Variants in FBXO32 observed in about 807,000 individuals in gnomAD.
FBXO32 encodes the protein F-box protein 32.
FBXO32 carries 15 observed loss-of-function variants against 48.3 expected under a neutral mutation model. The observed-to-expected ratio is 0.31, with a 90% confidence interval of 0.21 to 0.48. FBXO32 has a LOEUF of 0.48. Ranked by LOEUF, FBXO32 falls within the 20% of genes least tolerant of loss-of-function variation. FBXO32 has a pLI of 0.99. For missense variants in FBXO32, 309 were observed against 432.7 expected (o/e 0.71, Z 2.54); for synonymous variants, 154 against 165.9 (o/e 0.93, Z 0.55).
rs1223446345 is a variant in FBXO32, at chr8:123,502,819, T to C, written c.*554A>G. 6.6e-6 allele frequency: 1 copy of C among 152,274 alleles called. No individual in the cohort carries two copies. The highest frequency in any genetic ancestry group is 2.4e-5 in the African/African-American group (1 of 41,440). The allele number at this position is 152,274 out of a possible 1,614,324, so 9.4% of individuals were successfully genotyped here. ...CTCTACGCTTTTAGAGGTAGACCATTGTGTGGTATCTCTGTAGGGTAAGGC... is the reference window on the plus strand; with the variant it reads ...CTCTACGCTTTTAGAGGTAGACCATCGTGTGGTATCTCTGTAGGGTAAGGC... On this transcript the variant is annotated 3_prime_UTR_variant, in exon 9 of 9. Coordinates refer to ENST00000517956, the MANE Select transcript of FBXO32 (RefSeq NM_058229.4).
intron 6 of FBXO32, among the ~76,000 whole-genome samples, chr8:123,507,417 AAC>A (rs1233703803): frequency 2.0e-5 from 3 of 150,116 alleles, no homozygotes; most frequent in Non-Finnish European, 3.0e-5. Flanking sequence ...AGAAAACAAT[AAC>A]ACAGAGACTC....
Position 123,540,086 on chromosome 8 carries a change from G to T in FBXO32, c.116+813C>A, listed in dbSNP as rs1280274967. On this transcript the variant is annotated intron_variant, in intron 1 of 8. Transcript: ENST00000517956. The surrounding 1 kb of genome is among the most constrained non-coding windows in gnomAD (Gnocchi z 6.4). Reference sequence around the variant, plus strand: ...CCGCCAGACCACAGAGCTCAGGTGAGGCCTCGAATCCAGAGGCTCACCGGG... The same window carrying T: ...CCGCCAGACCACAGAGCTCAGGTGATGCCTCGAATCCAGAGGCTCACCGGG... Among the ~76,000 whole-genome samples, 1 of 152,192 alleles carries T rather than the reference G, an allele frequency of 6.6e-6. No homozygotes were observed. The highest frequency in any genetic ancestry group is 2.4e-5 in the African/African-American group (1 of 41,444).
intron 6 of FBXO32, among the ~76,000 whole-genome samples, chr8:123,508,336 G>A (rs1332217587): frequency 2.0e-5 from 3 of 152,150 alleles, no homozygotes; most frequent in Non-Finnish European, 2.9e-5. Context: ...GGGTAGGCAC[G>A]AGGTGGGGAG....
chr8:123,532,111 G>C (rs971640599), intron 3 of FBXO32, 121 bp from the exon 4 acceptor site: 39 of 1,482,052 alleles, frequency 2.6e-5, no homozygotes, highest in Non-Finnish European at 3.4e-5. Flanking sequence ...CCTGTCTTAG[G>C]TGACCTGGGG....
intron 3 of FBXO32, among the ~76,000 whole-genome samples, chr8:123,532,714 A>C (rs889055268): frequency 1.3e-5 from 2 of 152,236 alleles, no homozygotes; most frequent in African/African-American, 4.8e-5. Flanking sequence ...AAATATACAT[A>C]AAAGGGCTTT....
At chr8:123,527,779 T>C (rs1324303620) in intron 4 of FBXO32, among the ~76,000 whole-genome samples, 2 of 152,216 alleles carry the variant, frequency 1.3e-5, no homozygotes, top group Non-Finnish European at 2.9e-5. Context: ...TTCATTCTCA[T>C]AAAAATGCTT....
At chr8:123,536,661 C>T (rs1817314606) in intron 1 of FBXO32, among the ~76,000 whole-genome samples, 1 of 152,162 alleles carries the variant, frequency 6.6e-6, no homozygotes, top group South Asian at 2.1e-4. Context: ...ACACAACCCC[C>T]ACAAACAACA....
Position 123,513,462 on chromosome 8 carries a change from G to T in FBXO32, c.467-80C>A. On this transcript the variant is annotated intron_variant, in intron 5 of 8. Coordinates refer to ENST00000517956, the MANE Select transcript of FBXO32 (RefSeq NM_058229.4). The surrounding 1 kb of genome is among the most constrained non-coding windows in gnomAD (Gnocchi z 4.3). ...TTTACACATGAGCTTGTCTCTGTCT[G>T]TATTCCACTCATGTTACCCAGGCAC... The T allele has an allele frequency of 8.2e-7, 1 of 1,216,004 alleles. No homozygotes were observed. Among genetic ancestry groups the T allele is most frequent in the East Asian group, 2.5e-5 (1 of 39,414 alleles). The allele number at this position is 1,216,004 out of a possible 1,614,324, so 75.3% of individuals were successfully genotyped here.
At chr8:123,511,296 G>A (rs549596451) in intron 6 of FBXO32, among the ~76,000 whole-genome samples, 1 of 152,056 alleles carries the variant, frequency 6.6e-6, no homozygotes, top group Non-Finnish European at 1.5e-5. Context: ...ACTCCAAGAG[G>A]GGTAACAACA....
At chr8:123,510,153 A>T (rs1038255566) in intron 6 of FBXO32, among the ~76,000 whole-genome samples, 11 of 152,220 alleles carry the variant, frequency 7.2e-5, no homozygotes, top group Admixed American at 2.0e-4. Context: ...CTTAATAATA[A>T]CAGCTGATAC....
chr8:123,508,208 C>T (rs1378184021), intron 6 of FBXO32, among the ~76,000 whole-genome samples: 1 of 152,134 alleles, frequency 6.6e-6, no homozygotes, highest in African/African-American at 2.4e-5. Context: ...TATCAATTTC[C>T]CTGCCCAAAT....
Position 123,506,761 on chromosome 8 carries a change from A to G in FBXO32, c.652-187T>C. The G allele has an allele frequency of 1.7e-6, 1 of 597,644 alleles. No individual in the cohort carries two copies. 37.0% of individuals were successfully genotyped at this position (597,644 alleles called of 1,614,324 possible). ...GAGACCATGGCCATGACCCTCAATG[A>G]AGTGTGGAGTGCGCTGAGCTGAGTG... On this transcript the variant is annotated intron_variant, in intron 6 of 8. Transcript: ENST00000517956. The surrounding 1 kb of genome is among the most constrained non-coding windows in gnomAD (Gnocchi z 4.0).
At chr8:123,523,584 G>A (rs1434863279) in intron 4 of FBXO32, among the ~76,000 whole-genome samples, 3 of 143,732 alleles carry the variant, frequency 2.1e-5, no homozygotes, top group Admixed American at 1.4e-4. Flanking sequence ...GTGAGACTCC[G>A]TCTCAAAACA....
chr8:123,525,141 C>T lies in FBXO32; in HGVS notation c.372+6757G>A, dbSNP rs1817045674. 6.6e-6 allele frequency among the ~76,000 whole-genome samples: 1 copy of T among 152,220 alleles called. No individual in the cohort carries two copies. On this transcript the variant is annotated intron_variant, in intron 4 of 8. Transcript: ENST00000517956. The surrounding 1 kb of genome is among the most constrained non-coding windows in gnomAD (Gnocchi z 4.3). ...TCCAGCCTTTTGTTTGCCAAACCACCAGTCAACTTAAACTAAAACATGTTT... is the reference window on the plus strand; with the variant it reads ...TCCAGCCTTTTGTTTGCCAAACCACTAGTCAACTTAAACTAAAACATGTTT...
rs1817215702 is a variant in FBXO32 at position 123,531,833 on chromosome 8, C to T, written c.372+65G>A. 3.2e-6 allele frequency: 5 copies of T among 1,582,484 alleles called. No individual in the cohort carries two copies. The East Asian group carries it at 1.1e-4, about 35-fold the overall frequency. ...ATTTTTTGGGGAAACTACTTCAAGA[C>T]AACCCAAAGAGATGATTCAACTTGG... On this transcript the variant is annotated intron_variant, in intron 4 of 8. Coordinates refer to ENST00000517956, the MANE Select transcript of FBXO32 (RefSeq NM_058229.4).
chr8:123,504,448 C>G (rs551819216), intron 8 of FBXO32, among the ~76,000 whole-genome samples, 156 bp downstream of exon 8: 1 of 151,816 alleles, frequency 6.6e-6, no homozygotes, highest in Non-Finnish European at 1.5e-5. Context: ...CCTTCCCCCC[C>G]ACCCTCCCAG....
At chr8:123,521,447 T>C (rs1181802310) in intron 4 of FBXO32, among the ~76,000 whole-genome samples, 1 of 152,244 alleles carries the variant, frequency 6.6e-6, no homozygotes, top group Non-Finnish European at 1.5e-5. Flanking sequence ...TCCAGACTGA[T>C]GCCCCAGGAG....
At chr8:123,532,584 C>A (rs1409461279) in intron 3 of FBXO32, among the ~76,000 whole-genome samples, 2 of 152,110 alleles carry the variant, frequency 1.3e-5, no homozygotes, top group Non-Finnish European at 2.9e-5. Flanking sequence ...TATCAGTGAC[C>A]CCCCTCTGGA....
chr8:123,539,271 C>G (rs1817368013), intron 1 of FBXO32, among the ~76,000 whole-genome samples: 1 of 152,162 alleles, frequency 6.6e-6, no homozygotes, highest in African/African-American at 2.4e-5. Context: ...CGGCACTTTT[C>G]TAGAAAGAAC....
Sources: allele counts gnomAD v4.1 joint callset (sites outside exome capture counted in the v4.1 genomes callset), GRCh38; gene constraint gnomAD v4.1.1; non-coding constraint Gnocchi (gnomAD v3.1); transcripts MANE v1.5; gene names NCBI Gene and HGNC (gene_info 2026-07-23, HGNC 2026-07-21).